PTPRN2: variants seen among roughly 807,000 people sequenced by gnomAD.
PTPRN2 encodes the protein receptor-type tyrosine-protein phosphatase N2.
A neutral mutation model predicts 118.8 loss-of-function variants in PTPRN2; 74 were observed. The observed-to-expected ratio is 0.62, with a 90% confidence interval of 0.52 to 0.76. The LOEUF (loss-of-function observed/expected upper bound fraction) is 0.76, where lower values mean the gene tolerates loss of function less well. Ranked by LOEUF, PTPRN2 falls within the 30% of genes least tolerant of loss-of-function variation. The pLI, the probability that PTPRN2 is intolerant of heterozygous loss-of-function variation, is 0.00. For synonymous variants in PTPRN2, 641 were observed against 608.0 expected (o/e 1.05, Z -0.80); for missense variants, 1,481 against 1,394.4 (o/e 1.06, Z -0.99).
At chr7:158,540,981 T>C (rs1825957104) in intron 1 of PTPRN2, among the ~76,000 whole-genome samples, 3 of 152,146 alleles carry the variant, frequency 2.0e-5, no homozygotes, top group Admixed American at 1.3e-4. Flanking sequence ...ACCTGCAGGA[T>C]AGGAATCCAC....
At chr7:158,541,944 G>A (rs951771619) in intron 1 of PTPRN2, among the ~76,000 whole-genome samples, 1 of 152,258 alleles carries the variant, frequency 6.6e-6, no homozygotes, top group Non-Finnish European at 1.5e-5. Context: ...TCAGAAAACA[G>A]CAAGGCTTTA....
chr7:158,446,405 T>G (rs1261748924), intron 2 of PTPRN2, among the ~76,000 whole-genome samples: 1 of 151,948 alleles, frequency 6.6e-6, no homozygotes, highest in Non-Finnish European at 1.5e-5. Flanking sequence ...CCACTCACGA[T>G]GGAGTCTGTC....
At chr7:158,366,550 C>G (rs979246715) in intron 2 of PTPRN2, among the ~76,000 whole-genome samples, 1 of 152,240 alleles carries the variant, frequency 6.6e-6, no homozygotes, top group East Asian at 1.9e-4. Flanking sequence ...GAGGAATCGC[C>G]ATGGCAACCC....
At chr7:158,175,488 GTCTC>G (rs1824108793) in intron 5 of PTPRN2, among the ~76,000 whole-genome samples, 1 of 152,148 alleles carries the variant, frequency 6.6e-6, no homozygotes, top group Admixed American at 6.5e-5. Context: ...CTCTGCCTCT[GTCTC>G]TGTCTTAACA....
intron 1 of PTPRN2, among the ~76,000 whole-genome samples, chr7:158,569,005 G>A (rs1827816446): frequency 6.6e-6 from 1 of 152,056 alleles, no homozygotes; most frequent in African/African-American, 2.4e-5. Flanking sequence ...TTAGGCCTGT[G>A]GTCCCCGCTC....
intron 12 of PTPRN2, among the ~76,000 whole-genome samples, chr7:157,795,425 G>A (rs949635754): frequency 2.0e-5 from 3 of 152,244 alleles, no homozygotes; most frequent in Admixed American, 6.5e-5. Context: ...CCTCCCCAGG[G>A]GGCTGAGGCT....
At chr7:158,280,682 T>C (rs1799364209) in intron 3 of PTPRN2, among the ~76,000 whole-genome samples, 1 of 151,664 alleles carries the variant, frequency 6.6e-6, no homozygotes, top group African/African-American at 2.4e-5. Flanking sequence ...CCGTGGAGTT[T>C]CTCCACCGTC....
chr7:157,969,668 C>A (rs1358672205), intron 11 of PTPRN2, among the ~76,000 whole-genome samples: 1 of 151,812 alleles, frequency 6.6e-6, no homozygotes, highest in African/African-American at 2.4e-5. Flanking sequence ...GAGCCTGAAG[C>A]TGGAGTTGAG....
rs1331794857 is a variant in PTPRN2, at chr7:157,590,448, T to C, written c.2496+4790A>G. 6.6e-6 allele frequency among the ~76,000 whole-genome samples: 1 copy of C among 152,254 alleles called. No homozygotes were observed. The highest frequency in any genetic ancestry group is 1.5e-5 in the Non-Finnish European group (1 of 68,042). The stretch of plus-strand genomic sequence containing the variant: ...TTGGGGTACATCTTCCTTTAGGTAA[T>C]GAATTTATTTTTAGGAATTTCTTGA... On this transcript the variant is annotated intron_variant, in intron 17 of 22. Coordinates refer to ENST00000389418, the MANE Select transcript of PTPRN2 (RefSeq NM_002847.5). This position sits in a 1 kb window ranked among gnomAD's most constrained non-coding sequence, Gnocchi z 4.0.
intron 6 of PTPRN2, among the ~76,000 whole-genome samples, chr7:158,150,953 G>A (rs941729698): frequency 2.6e-5 from 4 of 151,800 alleles, no homozygotes; most frequent in African/African-American, 9.7e-5. Context: ...ATTATTCTGT[G>A]CATCCCACCC....
chr7:157,630,115 T>G lies in PTPRN2; in HGVS notation c.2197-8606A>C, dbSNP rs143177470. Among the ~76,000 whole-genome samples the G allele has an allele frequency of 2.3e-3, 347 of 152,302 alleles. No homozygotes were observed. The Middle Eastern group carries it at 0.024, about 10-fold the overall frequency. On this transcript the variant is annotated intron_variant, in intron 14 of 22. Coordinates refer to ENST00000389418, the MANE Select transcript of PTPRN2 (RefSeq NM_002847.5). ...ACTGTGAAAAGATGAAAGGAGAAGT[T>G]CGATGAGGTTGATTGTCCTGGCTCA...
rs1014556968 is a variant in PTPRN2, at chr7:158,015,485, G to C, written c.1723+65813C>G. On this transcript the variant is annotated intron_variant, in intron 11 of 22. Transcript: ENST00000389418. This position sits in a 1 kb window ranked among gnomAD's most constrained non-coding sequence, Gnocchi z 4.2. ...AGAGAGAGAGAGGAAGAGAGGGAGA[G>C]AGGGAGAGAGGGAGATAGAGGGAGG... is the stretch of plus-strand genomic sequence containing the variant. Among the ~76,000 whole-genome samples the C allele has an allele frequency of 2.6e-5, 4 of 151,584 alleles. No individual in the cohort carries two copies. The highest frequency in any genetic ancestry group is 1.3e-4 in the Admixed American group (2 of 15,232).
At chr7:158,154,443 C>A (rs1221173604) in intron 6 of PTPRN2, among the ~76,000 whole-genome samples, 1 of 152,232 alleles carries the variant, frequency 6.6e-6, no homozygotes, top group Non-Finnish European at 1.5e-5. Flanking sequence ...TCTAACACCG[C>A]TGTAACATTT....
chr7:158,452,895 G>A (rs183374967), intron 2 of PTPRN2, among the ~76,000 whole-genome samples: 104 of 152,294 alleles, frequency 6.8e-4, no homozygotes, highest in Non-Finnish European at 1.3e-3. Context: ...CTGTTGCCCC[G>A]TGGCTCAGGG....
intron 2 of PTPRN2, among the ~76,000 whole-genome samples, chr7:158,340,935 T>C (rs868747190): frequency 6.6e-4 from 44 of 66,424 alleles, no homozygotes; most frequent in Middle Eastern, 0.012. Context: ...TCAATCACAC[T>C]CACACTCTCA....
At chr7:158,129,287 A>C (rs1194984113) in intron 9 of PTPRN2, among the ~76,000 whole-genome samples, 2 of 149,834 alleles carry the variant, frequency 1.3e-5, no homozygotes, top group Admixed American at 1.3e-4. Flanking sequence ...CACACACAAC[A>C]CATAAACCAC....
chr7:158,205,127 C>T, intron 4 of PTPRN2, 44 bp downstream of exon 4: 1 of 1,445,376 alleles, frequency 6.9e-7, no homozygotes, highest in Non-Finnish European at 9.7e-7. Flanking sequence ...TGGCTATGGA[C>T]TGTGTCCTGG....
chr7:158,374,267 G>A (rs1178631166), intron 2 of PTPRN2, among the ~76,000 whole-genome samples: 2 of 152,132 alleles, frequency 1.3e-5, no homozygotes, highest in East Asian at 3.9e-4. Flanking sequence ...GTCAGGAGGA[G>A]GGAGCCACCT....
At chr7:158,566,556 G>A (rs913244053) in intron 1 of PTPRN2, among the ~76,000 whole-genome samples, 18 of 152,224 alleles carry the variant, frequency 1.2e-4, no homozygotes, top group Admixed American at 5.2e-4. Flanking sequence ...AAGGACTAGG[G>A]AGCCCTGGAC....
Sources: allele counts gnomAD v4.1 joint callset (sites outside exome capture counted in the v4.1 genomes callset), GRCh38; gene constraint gnomAD v4.1.1; non-coding constraint Gnocchi (gnomAD v3.1); transcripts MANE v1.5; gene names NCBI Gene and HGNC (gene_info 2026-07-23, HGNC 2026-07-21).